The following DMD variants were observed in gnomAD, a reference collection of about 807,000 sequenced individuals.
DMD encodes the protein dystrophin.
A neutral mutation model predicts 330.1 loss-of-function variants in DMD; 63 were observed. That is an observed-to-expected ratio of 0.19 (90% CI 0.16 to 0.24). The LOEUF (loss-of-function observed/expected upper bound fraction) is 0.24. DMD is among the 10% of genes least tolerant of loss of function. DMD has a pLI of 1.00. For missense variants in DMD, 3,344 were observed against 2,684.1 expected (o/e 1.25, Z -5.43); for synonymous variants, 1,223 against 959.8 (o/e 1.27, Z -5.07).
intron 61 of DMD, among the ~76,000 whole-genome samples, chrX:31,333,595 C>T (rs965575665): frequency 9.1e-6 from 1 of 109,535 alleles, no homozygotes; most frequent in South Asian, 4.0e-4. Flanking sequence ...TGGTCTAGGT[C>T]GAATTCTATA....
intron 7 of DMD, among the ~76,000 whole-genome samples, chrX:32,732,086 A>C (rs2067760751): frequency 1.8e-5 from 2 of 111,912 alleles, no homozygotes; most frequent in African/African-American, 6.5e-5. Flanking sequence ...TGGAGCTGAA[A>C]ACCAAGGCTA....
intron 7 of DMD, among the ~76,000 whole-genome samples, chrX:32,792,985 T>A (rs1175668609): frequency 8.9e-6 from 1 of 112,284 alleles, no homozygotes; most frequent in East Asian, 2.8e-4. Context: ...GGACAATTCC[T>A]TCAACAGTCA....
At chrX:31,919,760 C>A (rs890762218) in intron 47 of DMD, among the ~76,000 whole-genome samples, 1 of 111,907 alleles carries the variant, frequency 8.9e-6, no homozygotes, top group East Asian at 2.8e-4. Context: ...GGAGAAAAAC[C>A]AAATTTCTCC....
intron 53 of DMD, among the ~76,000 whole-genome samples, chrX:31,666,799 G>A (rs914483917): frequency 1.8e-4 from 20 of 111,776 alleles, no homozygotes; most frequent in Non-Finnish European, 2.1e-4. Flanking sequence ...ATTGTGTGAT[G>A]GAGGCTCCCA....
At chrX:32,161,687 A>C (rs2096849883) in intron 44 of DMD, among the ~76,000 whole-genome samples, 1 of 111,837 alleles carries the variant, frequency 8.9e-6, no homozygotes, top group Admixed American at 9.5e-5. Context: ...AGTTGAGTTA[A>C]TTGAATTAGG....
intron 55 of DMD, among the ~76,000 whole-genome samples, chrX:31,605,678 A>G (rs898873197): frequency 1.3e-4 from 14 of 111,418 alleles, no homozygotes; most frequent in African/African-American, 3.6e-4. Context: ...ATCAATTGAG[A>G]TCTTAAAATG....
intron 7 of DMD, among the ~76,000 whole-genome samples, chrX:32,781,125 GAAA>G (rs59738615): frequency 0.015 from 860 of 57,039 alleles, 13 homozygotes; most frequent in African/African-American, 0.046. Flanking sequence ...CTCAAAAAAA[GAAA>G]AAAAAAAAAA....
chrX:32,308,262 A>C (rs1262916038), intron 42 of DMD, among the ~76,000 whole-genome samples: 1 of 111,256 alleles, frequency 9.0e-6, no homozygotes, highest in Non-Finnish European at 1.9e-5. Context: ...CTTTCAAAAA[A>C]GATGTATGTT....
intron 17 of DMD, among the ~76,000 whole-genome samples, chrX:32,531,049 C>A (rs917383614): frequency 1.8e-5 from 2 of 111,616 alleles, no homozygotes; most frequent in African/African-American, 6.5e-5. Context: ...TGGCTTCTTT[C>A]GTTTTCTTAT....
chrX:31,153,078 A>C (rs1386595294), intron 74 of DMD, among the ~76,000 whole-genome samples: 1 of 111,441 alleles, frequency 9.0e-6, no homozygotes, highest in African/African-American at 3.3e-5. Context: ...AGGGGCTTAG[A>C]GTTTAGAGCC....
At chrX:32,975,726 T>C (rs1028495649) in intron 2 of DMD, among the ~76,000 whole-genome samples, 1 of 110,847 alleles carries the variant, frequency 9.0e-6, no homozygotes, top group African/African-American at 3.3e-5. Flanking sequence ...AGGCTGGAGA[T>C]GTTGAAACCA....
At position 32,776,742 on chromosome X, in the gene DMD, A is replaced by G. The variant is rs1055574229; in HGVS notation, c.649+32751T>C. Among the ~76,000 whole-genome samples, 2 of 111,810 alleles carry G rather than the reference A, an allele frequency of 1.8e-5. 1 individual carries two copies. The highest frequency in any genetic ancestry group is 3.8e-5 in the Non-Finnish European group (2 of 53,208). ...TGGGTAGGGGACACAGAGCCAAATT[A>G]TATCAACTTATTAATGCAGAATAAA... On this transcript the variant is annotated intron_variant, in intron 7 of 78. Transcript: ENST00000357033.
intron 15 of DMD, among the ~76,000 whole-genome samples, chrX:32,570,869 T>C (rs2052339336): frequency 8.9e-6 from 1 of 111,952 alleles, no homozygotes; most frequent in African/African-American, 3.2e-5. Context: ...TCTTGATTGG[T>C]AAATCTAGTC....
At position 32,472,077 on chromosome X, in the gene DMD, T is replaced by A. The variant is rs774100218; in HGVS notation, c.2949+87A>T. ...AAACTACCATACTTGTCAGAATGACTTAAATTCTAATATTATTTAAAGGTT... is the reference window on the plus strand; with the variant it reads ...AAACTACCATACTTGTCAGAATGACATAAATTCTAATATTATTTAAAGGTT... On this transcript the variant is annotated intron_variant, in intron 22 of 78. Transcript: ENST00000357033. 9.9e-6 allele frequency: 11 copies of A among 1,106,776 alleles called. No individual in the cohort carries two copies. The East Asian group carries it at 1.2e-4, about 12-fold the overall frequency. The allele number at this position is 1,106,776 out of a possible 1,213,427, so 91.2% of individuals were successfully genotyped here.
chrX:32,227,318 C>A (rs1480989103), intron 43 of DMD, among the ~76,000 whole-genome samples: 1 of 81,145 alleles, frequency 1.2e-5, no homozygotes, highest in Non-Finnish European at 2.4e-5. Context: ...TATATGTACA[C>A]ACACACAAAT....
At chrX:33,107,601 T>C (rs1459779959) in intron 1 of DMD, among the ~76,000 whole-genome samples, 1 of 111,210 alleles carries the variant, frequency 9.0e-6, no homozygotes, top group Non-Finnish European at 1.9e-5. Flanking sequence ...AAACCCCATA[T>C]TGACTATGAA....
At chrX:33,095,231 G>A (rs1226568154) in intron 1 of DMD, among the ~76,000 whole-genome samples, 2 of 112,482 alleles carry the variant, frequency 1.8e-5, no homozygotes, top group East Asian at 2.8e-4. Flanking sequence ...ATGGAAAATA[G>A]ATATATTTGC....
At chrX:32,756,680 C>A (rs1318576363) in intron 7 of DMD, among the ~76,000 whole-genome samples, 1 of 111,858 alleles carries the variant, frequency 8.9e-6, no homozygotes, top group Non-Finnish European at 1.9e-5. Context: ...ATCACTACTT[C>A]AGCCTTTAAT....
intron 34 of DMD, 81 bp from the exon 35 acceptor site, chrX:32,365,280 GT>G: frequency 1.0e-6 from 1 of 984,439 alleles, no homozygotes; most frequent in Non-Finnish European, 1.4e-6. Context: ...TTTCTGTATG[GT>G]TACTATGATT....
Sources: allele counts gnomAD v4.1 joint callset (sites outside exome capture counted in the v4.1 genomes callset), GRCh38; gene constraint gnomAD v4.1.1; transcripts MANE v1.5; gene names NCBI Gene and HGNC (gene_info 2026-07-23, HGNC 2026-07-21).